The following GPC6 variants were observed in gnomAD, a reference collection of about 807,000 sequenced individuals.
GPC6 encodes the protein glypican-6.
In GPC6, 14 loss-of-function variants were observed where a neutral mutation model predicts 55.2. The observed-to-expected ratio is 0.25, with a 90% CI of 0.17 to 0.40. GPC6 has a LOEUF of 0.40. GPC6 is among the 10% of genes least tolerant of loss of function. The pLI is 1.00. For synonymous variants in GPC6, 278 were observed against 259.6 expected (o/e 1.07, Z -0.68); for missense variants, 641 against 708.5 (o/e 0.90, Z 1.08).
At chr13:93,344,791 T>G (rs1365300351) in intron 1 of GPC6, among the ~76,000 whole-genome samples, 1 of 152,168 alleles carries the variant, frequency 6.6e-6, no homozygotes, top group Non-Finnish European at 1.5e-5. Context: ...CACTCAGGAT[T>G]GCTAATAATT....
chr13:93,836,428 T>C (rs1196264439), intron 3 of GPC6, among the ~76,000 whole-genome samples: 1 of 152,220 alleles, frequency 6.6e-6, no homozygotes, highest in Non-Finnish European at 1.5e-5. Context: ...TGGTGGTTTT[T>C]GGATTGGAGT....
At chr13:94,199,307 C>T (rs978086169) in intron 4 of GPC6, among the ~76,000 whole-genome samples, 1 of 152,120 alleles carries the variant, frequency 6.6e-6, no homozygotes, top group African/African-American at 2.4e-5. Context: ...CTAAATTGAC[C>T]TTGACTCAGC....
chr13:93,557,449 T>C (rs564387809), intron 2 of GPC6, among the ~76,000 whole-genome samples: 3 of 152,256 alleles, frequency 2.0e-5, no homozygotes, highest in African/African-American at 4.8e-5. Context: ...CATTAAGTAA[T>C]GATTTAAGCA....
chr13:94,312,470 A>G (rs1268059566), intron 6 of GPC6, among the ~76,000 whole-genome samples: 1 of 152,204 alleles, frequency 6.6e-6, no homozygotes, highest in African/African-American at 2.4e-5. Context: ...TGCGATTTAG[A>G]AACTGTTGGT....
chr13:93,880,206 C>G (rs1028873181), intron 3 of GPC6, among the ~76,000 whole-genome samples: 1 of 150,770 alleles, frequency 6.6e-6, no homozygotes, highest in African/African-American at 2.4e-5. Context: ...CCAGCCATCC[C>G]ATTACTGGGT....
chr13:93,868,310 C>T (rs1237337745), intron 3 of GPC6, among the ~76,000 whole-genome samples: 1 of 151,720 alleles, frequency 6.6e-6, no homozygotes, highest in Non-Finnish European at 1.5e-5. Flanking sequence ...ACCCTCAATC[C>T]TAATAGCCTA....
chr13:93,899,781 G>C (rs1262129507), intron 3 of GPC6, among the ~76,000 whole-genome samples: 1 of 152,058 alleles, frequency 6.6e-6, no homozygotes, highest in Non-Finnish European at 1.5e-5. Context: ...ACTTGTGTCT[G>C]TCAAGGCCTT....
chr13:93,519,964 A>G (rs899478012), intron 1 of GPC6, among the ~76,000 whole-genome samples: 14 of 151,988 alleles, frequency 9.2e-5, no homozygotes, highest in African/African-American at 2.7e-4. Flanking sequence ...CAGTGTAACT[A>G]TTCTCTGCAA....
intron 3 of GPC6, among the ~76,000 whole-genome samples, chr13:93,875,952 A>G (rs910574450): frequency 2.0e-5 from 3 of 152,086 alleles, no homozygotes; most frequent in African/African-American, 4.8e-5. Flanking sequence ...TTTAATTAAA[A>G]TGAATTTAAC....
At chr13:93,947,141 G>A (rs118059517) in intron 3 of GPC6, among the ~76,000 whole-genome samples, 1,580 of 152,276 alleles carry the variant, frequency 0.01, 11 homozygotes, top group Non-Finnish European at 0.017. Context: ...GCAAAAAGGA[G>A]AACTAGTCCT....
At chr13:93,886,303 G>T (rs1408694582) in intron 3 of GPC6, among the ~76,000 whole-genome samples, 1 of 151,962 alleles carries the variant, frequency 6.6e-6, no homozygotes, top group Non-Finnish European at 1.5e-5. Flanking sequence ...ATCCAAGCTA[G>T]GATACTAGGA....
intron 1 of GPC6, among the ~76,000 whole-genome samples, chr13:93,272,743 T>C (rs1319549319): frequency 1.3e-5 from 2 of 152,128 alleles, no homozygotes; most frequent in Non-Finnish European, 2.9e-5. Flanking sequence ...TCACTGGCAA[T>C]AGCTGAGAAT....
intron 2 of GPC6, among the ~76,000 whole-genome samples, chr13:93,567,436 T>G (rs921501136): frequency 6.6e-6 from 1 of 152,170 alleles, no homozygotes; most frequent in Admixed American, 6.6e-5. Context: ...CAACATTTTG[T>G]TAGACATAAA....
At chr13:94,155,624 G>C (rs1267472593) in intron 4 of GPC6, among the ~76,000 whole-genome samples, 2 of 152,166 alleles carry the variant, frequency 1.3e-5, no homozygotes, top group Non-Finnish European at 2.9e-5. Flanking sequence ...CAGCAATACA[G>C]GTCAGACCAG....
chr13:93,824,437 G>A (rs866779107), intron 2 of GPC6, among the ~76,000 whole-genome samples: 9 of 152,294 alleles, frequency 5.9e-5, no homozygotes, highest in Non-Finnish European at 7.3e-5. Context: ...GAATGTGAGT[G>A]CAATCAGCTT....
chr13:93,864,232 A>G (rs1469253298), intron 3 of GPC6, among the ~76,000 whole-genome samples: 1 of 151,736 alleles, frequency 6.6e-6, no homozygotes, highest in Non-Finnish European at 1.5e-5. Context: ...GTTAAGTATA[A>G]GATGATAACT....
At chr13:93,580,312 A>G (rs545017372) in intron 2 of GPC6, among the ~76,000 whole-genome samples, 13 of 152,330 alleles carry the variant, frequency 8.5e-5, no homozygotes, top group South Asian at 4.1e-4. Context: ...AATGAATACC[A>G]TGACATTGAA....
intron 2 of GPC6, among the ~76,000 whole-genome samples, chr13:93,634,685 A>G (rs980011342): frequency 2.6e-5 from 4 of 152,150 alleles, no homozygotes; most frequent in Non-Finnish European, 5.9e-5. Context: ...AGAAGCATGA[A>G]GGAGAGGGAA....
intron 2 of GPC6, among the ~76,000 whole-genome samples, chr13:93,646,655 C>A (rs1414688699): frequency 1.3e-5 from 2 of 151,928 alleles, no homozygotes; most frequent in Admixed American, 1.3e-4. Flanking sequence ...TCTGTTTTCC[C>A]CCATAATTTC....
Sources: gnomAD v4.1 joint callset for allele counts (sites outside exome capture counted in the v4.1 genomes callset) on GRCh38, gnomAD v4.1.1 for gene constraint, MANE v1.5 for transcripts, NCBI Gene and HGNC (gene_info 2026-07-23, HGNC 2026-07-21) for gene names.